Variants in CCDC146 observed in about 807,000 individuals in gnomAD.
CCDC146 encodes coiled-coil domain-containing protein 146.
A neutral mutation model predicts 119.3 loss-of-function variants in CCDC146; 92 were observed. The observed-to-expected ratio is 0.77, with a 90% CI of 0.65 to 0.92. The LOEUF (loss-of-function observed/expected upper bound fraction) is 0.92. CCDC146 is among the 40% of genes least tolerant of loss of function. The pLI is 0.00. For missense variants in CCDC146, 1,000 were observed against 1,103.0 expected (o/e 0.91, Z 1.32); for synonymous variants, 372 against 371.8 (o/e 1.00, Z -0.01).
At chr7:77,262,100 T>G in intron 8 of CCDC146, 21 bp from the exon 9 acceptor site, 1 of 1,543,920 alleles carries the variant, frequency 6.5e-7, no homozygotes. Context: ...CATTTTCTTC[T>G]TCTTCCTTTA....
intron 2 of CCDC146, among the ~76,000 whole-genome samples, chr7:77,209,999 T>A (rs765806023): frequency 3.9e-5 from 6 of 152,200 alleles, no homozygotes; most frequent in African/African-American, 7.2e-5. Flanking sequence ...GCCGTGAAGA[T>A]CTGTAAAATG....
At chr7:77,234,473 G>T (rs531595808) in intron 2 of CCDC146, among the ~76,000 whole-genome samples, 1 of 152,184 alleles carries the variant, frequency 6.6e-6, no homozygotes, top group South Asian at 2.1e-4. Context: ...AGTGGCTCAC[G>T]CCTGTAATCC....
chr7:77,225,143 A>C (rs528067775), intron 2 of CCDC146, among the ~76,000 whole-genome samples: 1 of 152,368 alleles, frequency 6.6e-6, no homozygotes, highest in South Asian at 2.1e-4. Flanking sequence ...TTATTTGTAC[A>C]CTAAGATATT....
chr7:77,234,905 G>GCAC (rs1473124955), intron 2 of CCDC146, among the ~76,000 whole-genome samples: 1 of 152,006 alleles, frequency 6.6e-6, no homozygotes, highest in Admixed American at 6.6e-5. Flanking sequence ...GCCAGGCCTG[G>GCAC]CACCAGATAG....
rs572729600 is a variant in CCDC146 at position 77,238,953 on chromosome 7, T to C, written c.239+1924T>C. Among the ~76,000 whole-genome samples, 5 of 152,296 alleles carry C rather than the reference T, an allele frequency of 3.3e-5. No homozygotes were observed. The South Asian group carries it at 8.3e-4, about 25-fold the overall frequency. ...TTCCCTCTAATGCCATTGCAAATAC[T>C]CACCATTCTCTCCTACTCCCAATGC... On this transcript the variant is annotated intron_variant, in intron 3 of 18. Coordinates refer to ENST00000285871, the MANE Select transcript of CCDC146 (RefSeq NM_020879.3).
intron 4 of CCDC146, among the ~76,000 whole-genome samples, chr7:77,248,229 G>A (rs530445283): frequency 3.3e-5 from 5 of 152,304 alleles, no homozygotes; most frequent in East Asian, 1.9e-4. Flanking sequence ...ATGTGTACAC[G>A]TGGACGTAGA....
intron 1 of CCDC146, among the ~76,000 whole-genome samples, chr7:77,160,887 T>C (rs1791250549): frequency 6.6e-6 from 1 of 152,130 alleles, no homozygotes; most frequent in South Asian, 2.1e-4. Context: ...AACCTACTCA[T>C]CTGACAAAGG....
rs79953328 is a variant in CCDC146 at position 77,224,477 on chromosome 7, T to C, written c.157-12470T>C. Among the ~76,000 whole-genome samples, 54 of 152,326 alleles carry C rather than the reference T, an allele frequency of 3.5e-4. 1 individual carries two copies. The East Asian group carries it at 8.5e-3, about 24-fold the overall frequency. On this transcript the variant is annotated intron_variant, in intron 2 of 18. Coordinates refer to ENST00000285871, the MANE Select transcript of CCDC146 (RefSeq NM_020879.3). ...TTGGGCTCACCTGGTTAATCCACAATAATCTCCCCATCTCAAGGGGCCATT... is the reference window on the plus strand; with the variant it reads ...TTGGGCTCACCTGGTTAATCCACAACAATCTCCCCATCTCAAGGGGCCATT...
intron 15 of CCDC146, among the ~76,000 whole-genome samples, chr7:77,284,489 T>G (rs1275136701): frequency 1.3e-5 from 2 of 151,994 alleles, no homozygotes; most frequent in Non-Finnish European, 2.9e-5. Flanking sequence ...TCTTTGCCCA[T>G]CCTAAACTAT....
At chr7:77,220,375 A>T (rs1792380646) in intron 2 of CCDC146, among the ~76,000 whole-genome samples, 1 of 152,192 alleles carries the variant, frequency 6.6e-6, no homozygotes, top group African/African-American at 2.4e-5. Context: ...GGATGCCCAG[A>T]TTTCGTATTG....
At chr7:77,206,648 C>CATATATATATATATAT (rs59790661) in intron 2 of CCDC146, among the ~76,000 whole-genome samples, 2 of 139,194 alleles carry the variant, frequency 1.4e-5, no homozygotes, top group Non-Finnish European at 3.1e-5. Context: ...AAGAAACATA[C>CATATATATATATATAT]ATATATATAT....
chr7:77,160,063 A>G (rs936553537), intron 1 of CCDC146, among the ~76,000 whole-genome samples: 17 of 152,226 alleles, frequency 1.1e-4, no homozygotes, highest in Admixed American at 9.8e-4. Flanking sequence ...AGGTTTGTCA[A>G]AGATCAGATA....
intron 2 of CCDC146, among the ~76,000 whole-genome samples, chr7:77,206,076 T>G (rs1476834532): frequency 2.0e-5 from 3 of 152,204 alleles, no homozygotes; most frequent in Admixed American, 2.0e-4. Flanking sequence ...ACGCTACGCA[T>G]GTCCATAGAT....
intron 4 of CCDC146, among the ~76,000 whole-genome samples, chr7:77,253,031 C>T (rs563087664): frequency 1.3e-5 from 2 of 152,326 alleles, no homozygotes; most frequent in Admixed American, 6.5e-5. Context: ...ATGTGTCTGT[C>T]ACAAGGGCCA....
intron 4 of CCDC146, among the ~76,000 whole-genome samples, chr7:77,248,437 C>T (rs1436026944): frequency 6.6e-6 from 1 of 152,094 alleles, no homozygotes; most frequent in Non-Finnish European, 1.5e-5. Flanking sequence ...ATGAGAAAAC[C>T]TGGTGTGCAT....
chr7:77,149,654 T>C (rs1791077754), intron 1 of CCDC146, among the ~76,000 whole-genome samples: 1 of 151,798 alleles, frequency 6.6e-6, no homozygotes, highest in South Asian at 2.1e-4. Flanking sequence ...TAATCCCAGC[T>C]ACTCTGGATA....
chr7:77,271,002 A>AC (rs1793500338), intron 9 of CCDC146, among the ~76,000 whole-genome samples: 1 of 146,860 alleles, frequency 6.8e-6, no homozygotes. Context: ...TCATATGGGC[A>AC]CCCCCAGCTG....
At chr7:77,272,194 T>C (rs961012408) in intron 9 of CCDC146, among the ~76,000 whole-genome samples, 1 of 152,252 alleles carries the variant, frequency 6.6e-6, no homozygotes, top group Non-Finnish European at 1.5e-5. Context: ...TGATCTGCTA[T>C]AGCAATTTTA....
intron 11 of CCDC146, among the ~76,000 whole-genome samples, chr7:77,275,778 G>T (rs1793623239): frequency 6.6e-6 from 1 of 152,046 alleles, no homozygotes; most frequent in African/African-American, 2.4e-5. Context: ...TAAAACAAAT[G>T]GTAAGGCAGC....
Sources: gnomAD v4.1 joint callset for allele counts (sites outside exome capture counted in the v4.1 genomes callset) on GRCh38, gnomAD v4.1.1 for gene constraint, MANE v1.5 for transcripts, NCBI Gene and HGNC (gene_info 2026-07-23, HGNC 2026-07-21) for gene names.